RANBP2: variants seen among roughly 807,000 people sequenced by gnomAD.
The protein encoded by RANBP2 is RAN binding protein 2.
RANBP2 carries 57 observed loss-of-function variants against 303.6 expected under a neutral mutation model. The observed-to-expected ratio is 0.19, with a 90% CI of 0.15 to 0.23. The LOEUF is 0.23. RANBP2 is among the 10% of genes least tolerant of loss of function. RANBP2 has a pLI of 1.00. For synonymous variants in RANBP2, 1,167 were observed against 1,301.5 expected (o/e 0.90, Z 2.23); for missense variants, 3,138 against 3,780.8 (o/e 0.83, Z 4.46).
At chr2:109,659,400 A>T in the RANBP2 span, among the ~76,000 whole-genome samples, 101 of 152,282 alleles carry the variant, frequency 6.6e-4, no homozygotes, top group African/African-American at 2.4e-3. Context: ...AAAACAAAAA[A>T]AACAAAACTC....
the RANBP2 span, among the ~76,000 whole-genome samples, chr2:109,288,766 G>T: frequency 8.0e-3 from 1,221 of 152,320 alleles, 20 homozygotes; most frequent in African/African-American, 0.028. Flanking sequence ...ACACATGGCT[G>T]GGACAGCAGA....
At chr2:108,873,555 C>G in the RANBP2 span, 2 of 1,610,330 alleles carry the variant, frequency 1.2e-6, no homozygotes, top group South Asian at 2.2e-5. Flanking sequence ...ACTAGAAAAA[C>G]TCAGTATTAT....
At chr2:108,893,625 G>A in the RANBP2 span, among the ~76,000 whole-genome samples, 1 of 151,794 alleles carries the variant, frequency 6.6e-6, no homozygotes, top group African/African-American at 2.4e-5. Flanking sequence ...ATAGAGTCAT[G>A]GAAGGCCAGG....
the RANBP2 span, among the ~76,000 whole-genome samples, chr2:109,648,880 C>A: frequency 1.3e-5 from 2 of 151,790 alleles, no homozygotes; most frequent in Admixed American, 6.6e-5. Context: ...TCTTGAACTC[C>A]AGACCTTGTG....
chr2:109,591,339 G>A, the RANBP2 span, among the ~76,000 whole-genome samples: 2 of 152,090 alleles, frequency 1.3e-5, no homozygotes, highest in Non-Finnish European at 2.9e-5. Flanking sequence ...CTGGAAAAAA[G>A]CATTTCAAAA....
the RANBP2 span, among the ~76,000 whole-genome samples, chr2:109,487,153 C>T: frequency 6.6e-6 from 1 of 152,166 alleles, no homozygotes; most frequent in Non-Finnish European, 1.5e-5. Context: ...ACTCCCAGTC[C>T]CAGGAGAAAC....
the RANBP2 span, among the ~76,000 whole-genome samples, chr2:109,331,001 A>G: frequency 3.9e-5 from 6 of 152,224 alleles, no homozygotes; most frequent in Non-Finnish European, 7.3e-5. Flanking sequence ...GTCTAAGTCC[A>G]TATAAAAAGC....
the RANBP2 span, among the ~76,000 whole-genome samples, chr2:108,932,875 A>G: frequency 1.3e-5 from 2 of 152,204 alleles, no homozygotes; most frequent in Non-Finnish European, 2.9e-5. Context: ...TTGTGGAACT[A>G]ATCAGTTAAC....
chr2:109,588,866 A>G, the RANBP2 span, among the ~76,000 whole-genome samples: 1 of 151,864 alleles, frequency 6.6e-6, no homozygotes, highest in Non-Finnish European at 1.5e-5. Flanking sequence ...AAAAAAAAAA[A>G]AAGCGAAAGA....
At chr2:109,666,069 C>G in the RANBP2 span, among the ~76,000 whole-genome samples, 2 of 151,552 alleles carry the variant, frequency 1.3e-5, no homozygotes, top group African/African-American at 4.9e-5. Context: ...CAAGATCATG[C>G]CATTGCACTC....
chr2:109,055,691 C>A, the RANBP2 span, among the ~76,000 whole-genome samples: 1 of 149,666 alleles, frequency 6.7e-6, no homozygotes, highest in African/African-American at 2.5e-5. Flanking sequence ...GCGGCCTTTT[C>A]ATTTTCTTAC....
chr2:109,561,826 T>C, the RANBP2 span, among the ~76,000 whole-genome samples: 2 of 152,254 alleles, frequency 1.3e-5, no homozygotes, highest in South Asian at 4.1e-4. Context: ...AAATAATTTA[T>C]CAGTGGGTCC....
the RANBP2 span, among the ~76,000 whole-genome samples, chr2:109,005,615 G>T: frequency 6.6e-6 from 1 of 152,164 alleles, no homozygotes; most frequent in Non-Finnish European, 1.5e-5. Context: ...ACTGGTCTTT[G>T]CTATTAATTG....
the RANBP2 span, among the ~76,000 whole-genome samples, chr2:109,551,275 C>T: frequency 6.6e-6 from 1 of 152,176 alleles, no homozygotes; most frequent in African/African-American, 2.4e-5. Flanking sequence ...ATATTTGTTT[C>T]ACAACAATAT....
chr2:109,713,312 T>A, the RANBP2 span, among the ~76,000 whole-genome samples: 1 of 152,118 alleles, frequency 6.6e-6, no homozygotes, highest in Non-Finnish European at 1.5e-5. Context: ...TTAGGGCCAC[T>A]GAAGTTTGAG....
chr2:109,324,906 T>TC, the RANBP2 span, among the ~76,000 whole-genome samples: 1 of 152,166 alleles, frequency 6.6e-6, no homozygotes, highest in Non-Finnish European at 1.5e-5. Flanking sequence ...AGCTGTCGCT[T>TC]CCCCAAACCC....
chr2:109,548,075 G>A, the RANBP2 span, among the ~76,000 whole-genome samples: 1 of 152,038 alleles, frequency 6.6e-6, no homozygotes, highest in Non-Finnish European at 1.5e-5. Context: ...AACTAGTAAT[G>A]AGAGGAAATA....
At chr2:109,742,800 T>G in the RANBP2 span, among the ~76,000 whole-genome samples, 1 of 148,064 alleles carries the variant, frequency 6.8e-6, no homozygotes, top group African/African-American at 2.6e-5. Context: ...AGTGAGAACA[T>G]AACGCTAGAA....
the RANBP2 span, among the ~76,000 whole-genome samples, chr2:109,225,456 A>AGTTGTT: frequency 6.6e-6 from 1 of 152,150 alleles, no homozygotes; most frequent in African/African-American, 2.4e-5. Context: ...CCCTTTAAAG[A>AGTTGTT]TACAGGCCAG....
Sources: allele counts gnomAD v4.1 joint callset (sites outside exome capture counted in the v4.1 genomes callset), GRCh38; gene constraint gnomAD v4.1.1; transcripts MANE v1.5; gene names NCBI Gene and HGNC (gene_info 2026-07-23, HGNC 2026-07-21).